The following LHFPL3 variants were observed in gnomAD, a reference collection of about 807,000 sequenced individuals.
LHFPL3 encodes LHFPL tetraspan subfamily member 3.
LHFPL3 carries 5 observed loss-of-function variants against 19.3 expected under a neutral mutation model. That is an observed-to-expected ratio of 0.26 (90% CI 0.14 to 0.54). The LOEUF (loss-of-function observed/expected upper bound fraction) is 0.54, where lower values mean the gene tolerates loss of function less well. Ranked by LOEUF, LHFPL3 falls within the 20% of genes least tolerant of loss-of-function variation. LHFPL3 has a pLI of 0.94. For missense variants in LHFPL3, 249 were observed against 307.4 expected (o/e 0.81, Z 1.42); for synonymous variants, 133 against 126.2 (o/e 1.05, Z -0.36).
At chr7:104,604,678 G>T (rs1357206322) in intron 1 of LHFPL3, among the ~76,000 whole-genome samples, 1 of 152,162 alleles carries the variant, frequency 6.6e-6, no homozygotes. Flanking sequence ...TACCCAAGTT[G>T]GCAGGAACTC....
intron 2 of LHFPL3, chr7:104,803,872 A>G (rs1790303051): frequency 6.6e-6 from 1 of 152,246 alleles, no homozygotes; most frequent in Non-Finnish European, 1.5e-5. Context: ...GTATTGCACT[A>G]TATCCAATAA....
At chr7:104,765,952 A>T (rs1794449804) in intron 2 of LHFPL3, among the ~76,000 whole-genome samples, 1 of 152,174 alleles carries the variant, frequency 6.6e-6, no homozygotes, top group Non-Finnish European at 1.5e-5. Flanking sequence ...CACACTCCTG[A>T]CCACTACTAT....
intron 1 of LHFPL3, among the ~76,000 whole-genome samples, chr7:104,693,696 C>CT (rs55922716): frequency 0.023 from 3,253 of 140,490 alleles, 50 homozygotes; most frequent in Non-Finnish European, 0.035. Context: ...CTTTTCTTTT[C>CT]TTTTTTTTTT....
chr7:104,760,831 T>C (rs544570546), intron 2 of LHFPL3, among the ~76,000 whole-genome samples: 15 of 152,268 alleles, frequency 9.9e-5, no homozygotes, highest in African/African-American at 3.4e-4. Flanking sequence ...TCTCTAGCCC[T>C]TTCCATTCTT....
At position 104,751,111 on chromosome 7, in the gene LHFPL3, T is replaced by C. The variant is rs185479671; in HGVS notation, c.682+14200T>C. On this transcript the variant is annotated intron_variant, in intron 2 of 2. Transcript: ENST00000424859. Reference sequence around the variant, plus strand: ...TCTGTTATTGCTTGAGCCATAAGCATAGCTTTATGCATAGCTCCTCCGATT... The same window carrying C: ...TCTGTTATTGCTTGAGCCATAAGCACAGCTTTATGCATAGCTCCTCCGATT... Among the ~76,000 whole-genome samples the C allele has an allele frequency of 6.4e-3, 490 of 76,730 alleles. 5 individuals carry two copies. Among genetic ancestry groups the C allele is most frequent in the African/African-American group, 0.022 (454 of 20,982 alleles). 50.3% of individuals were successfully genotyped at this position (76,730 alleles called of 152,430 possible).
intron 1 of LHFPL3, among the ~76,000 whole-genome samples, chr7:104,600,927 T>C (rs1456093545): frequency 6.6e-6 from 1 of 152,208 alleles, no homozygotes; most frequent in Non-Finnish European, 1.5e-5. Context: ...ATATGTAATG[T>C]CTCATCTAAG....
chr7:104,570,040 T>C (rs78078637), intron 1 of LHFPL3, among the ~76,000 whole-genome samples: 417 of 152,352 alleles, frequency 2.7e-3, no homozygotes, highest in African/African-American at 9.7e-3. Flanking sequence ...AAAATGCTAA[T>C]TTCTCTCAAA....
intron 1 of LHFPL3, among the ~76,000 whole-genome samples, chr7:104,523,146 G>T (rs1419852366): frequency 1.3e-5 from 2 of 151,896 alleles, no homozygotes; most frequent in African/African-American, 4.8e-5. Flanking sequence ...TTCATATAAA[G>T]TATGCTTCTC....
rs186688903 is a variant in LHFPL3 at position 104,677,303 on chromosome 7, G to A, written c.446-59372G>A. Among the ~76,000 whole-genome samples the A allele has an allele frequency of 5.5e-4, 83 of 151,720 alleles. No individual in the cohort carries two copies. In the South Asian group the frequency reaches 0.014, roughly 26 times the overall value. On this transcript the variant is annotated intron_variant, in intron 1 of 2. Transcript: ENST00000424859. ...GAGGTAGGAGGATCATTTGAGCCTC[G>A]GAGTTCAAGGCTACAGCAGGCTATG...
At chr7:104,339,986 G>T (rs372133976) in intron 1 of LHFPL3, among the ~76,000 whole-genome samples, 4 of 152,188 alleles carry the variant, frequency 2.6e-5, no homozygotes, top group East Asian at 3.9e-4. Flanking sequence ...AGTTGCTAAG[G>T]TACTGACACA....
At chr7:104,773,066 TAG>T (rs930454249) in intron 2 of LHFPL3, among the ~76,000 whole-genome samples, 4 of 152,228 alleles carry the variant, frequency 2.6e-5, no homozygotes, top group Non-Finnish European at 5.9e-5. Flanking sequence ...CTTTCCCCTG[TAG>T]TATTTATGGG....
At chr7:104,430,982 TAAATA>T (rs1791992420) in intron 1 of LHFPL3, among the ~76,000 whole-genome samples, 1 of 152,090 alleles carries the variant, frequency 6.6e-6, no homozygotes, top group Admixed American at 6.6e-5. Context: ...GATAAATAAA[TAAATA>T]AAATAATAAA....
intron 1 of LHFPL3, among the ~76,000 whole-genome samples, chr7:104,535,109 T>G (rs890562839): frequency 3.9e-5 from 6 of 152,208 alleles, no homozygotes; most frequent in Admixed American, 6.5e-5. Context: ...TGTTCATTAC[T>G]GCTACCACCA....
chr7:104,404,280 A>G (rs1370707237), intron 1 of LHFPL3, among the ~76,000 whole-genome samples: 1 of 152,216 alleles, frequency 6.6e-6, no homozygotes, highest in Admixed American at 6.5e-5. Context: ...ACAGATATTC[A>G]TAAAATAGCC....
At chr7:104,899,966 A>G (rs1792451534) in intron 2 of LHFPL3, among the ~76,000 whole-genome samples, 1 of 152,170 alleles carries the variant, frequency 6.6e-6, no homozygotes, top group Non-Finnish European at 1.5e-5. Context: ...TCCTGACCTC[A>G]GGTGATTTGC....
chr7:104,464,793 G>T (rs1271689218), intron 1 of LHFPL3, among the ~76,000 whole-genome samples: 1 of 152,194 alleles, frequency 6.6e-6, no homozygotes, highest in Non-Finnish European at 1.5e-5. Context: ...CTCTGGGCCT[G>T]TGATGAGAGG....
At chr7:104,522,070 A>G (rs1313846448) in intron 1 of LHFPL3, among the ~76,000 whole-genome samples, 1 of 152,108 alleles carries the variant, frequency 6.6e-6, no homozygotes, top group Non-Finnish European at 1.5e-5. Context: ...TCATGCTGCT[A>G]TAAAGACACA....
chr7:104,496,642 A>AT (rs1267523700), intron 1 of LHFPL3, among the ~76,000 whole-genome samples: 9 of 152,056 alleles, frequency 5.9e-5, no homozygotes, highest in Non-Finnish European at 1.2e-4. Flanking sequence ...TTGTTTCCTG[A>AT]TTTTTTTAAT....
intron 1 of LHFPL3, among the ~76,000 whole-genome samples, chr7:104,679,904 G>T (rs1792663789): frequency 6.6e-6 from 1 of 152,176 alleles, no homozygotes; most frequent in Admixed American, 6.5e-5. Flanking sequence ...CATTCTATTT[G>T]AAATAACTCC....
Sources: allele counts gnomAD v4.1 joint callset (sites outside exome capture counted in the v4.1 genomes callset), GRCh38; gene constraint gnomAD v4.1.1; transcripts MANE v1.5; gene names NCBI Gene and HGNC (gene_info 2026-07-23, HGNC 2026-07-21).